ADAMTS3: variants seen among roughly 807,000 people sequenced by gnomAD.
ADAMTS3 encodes ADAM metallopeptidase with thrombospondin type 1 motif 3, also known as A disintegrin and metalloproteinase with thrombospondin motifs 3.
ADAMTS3 carries 73 observed loss-of-function variants against 129.0 expected under a neutral mutation model. The observed-to-expected ratio is 0.57, with a 90% confidence interval of 0.47 to 0.69. ADAMTS3 has a LOEUF of 0.69. Among genes scored for constraint, ADAMTS3 ranks in the 30% least tolerant of loss-of-function variants. The probability of loss-of-function intolerance (pLI) is 0.00; values close to 1 mark genes in which losing one functional copy is unlikely to be tolerated. For synonymous variants in ADAMTS3, 477 were observed against 510.8 expected (o/e 0.93, Z 0.89); for missense variants, 1,457 against 1,514.5 (o/e 0.96, Z 0.63).
In ADAMTS3 at chr4:72,500,003, C is replaced by A. The variant is rs139835903; in HGVS notation, c.504+48475G>T. Among the ~76,000 whole-genome samples, 16 of 152,266 alleles carry A rather than the reference C, an allele frequency of 1.1e-4. 1 individual carries two copies. The East Asian group carries it at 2.5e-3, about 24-fold the overall frequency. On this transcript the variant is annotated intron_variant, in intron 3 of 21. Coordinates refer to ENST00000286657, the MANE Select transcript of ADAMTS3 (RefSeq NM_014243.3). ...AGTATTCAATGGTGTATATGTACCACATTTTCTTTATCCAATCCACGACTG... is the reference window on the plus strand; with the variant it reads ...AGTATTCAATGGTGTATATGTACCAAATTTTCTTTATCCAATCCACGACTG...
chr4:72,547,627 GAC>G (rs1057342691), intron 3 of ADAMTS3, among the ~76,000 whole-genome samples: 2 of 152,100 alleles, frequency 1.3e-5, no homozygotes, highest in Admixed American at 1.3e-4. Flanking sequence ...ATGGTGAAGA[GAC>G]AGTTTTTCTC....
chr4:72,530,538 TATTA>T (rs1192408985), intron 3 of ADAMTS3, among the ~76,000 whole-genome samples: 1 of 87,128 alleles, frequency 1.1e-5, no homozygotes, highest in Non-Finnish European at 2.0e-5. Context: ...ATTTAATATA[TATTA>T]ATTTAAAATA....
At chr4:72,329,786 A>G (rs1719798188) in intron 5 of ADAMTS3, among the ~76,000 whole-genome samples, 1 of 150,052 alleles carries the variant, frequency 6.7e-6, no homozygotes, top group African/African-American at 2.4e-5. Flanking sequence ...GTTCTGTGGG[A>G]TCTGGTACTG....
intron 2 of ADAMTS3, 36 bp from the exon 3 acceptor site, chr4:72,548,920 C>A (rs372237136): frequency 2.0e-5 from 32 of 1,571,546 alleles, no homozygotes; most frequent in Middle Eastern, 4.0e-4. Context: ...AAACCCTGTA[C>A]AATAAGAGAA....
At chr4:72,462,490 C>T (rs887339588) in intron 3 of ADAMTS3, among the ~76,000 whole-genome samples, 2 of 151,902 alleles carry the variant, frequency 1.3e-5, no homozygotes, top group Admixed American at 6.6e-5. Context: ...AGTGTACGGT[C>T]ACACACCACA....
chr4:72,530,577 A>G (rs1310877740), intron 3 of ADAMTS3, among the ~76,000 whole-genome samples: 2 of 41,562 alleles, frequency 4.8e-5, no homozygotes, highest in African/African-American at 2.7e-4. Context: ...TTAATTTAAT[A>G]TATATTAAAT....
intron 3 of ADAMTS3, among the ~76,000 whole-genome samples, chr4:72,523,445 C>T (rs75619343): frequency 0.037 from 5,562 of 152,044 alleles, 121 homozygotes; most frequent in Non-Finnish European, 0.048. Flanking sequence ...TTAAACCAAA[C>T]AGTATAACTG....
chr4:72,549,299 A>G (rs527295256), intron 2 of ADAMTS3, among the ~76,000 whole-genome samples: 1 of 152,080 alleles, frequency 6.6e-6, no homozygotes, highest in African/African-American at 2.4e-5. Flanking sequence ...GATTGTTTTC[A>G]TTTTTTCCCT....
intron 11 of ADAMTS3, among the ~76,000 whole-genome samples, chr4:72,315,220 T>C (rs906542771): frequency 4.7e-4 from 71 of 152,360 alleles, no homozygotes; most frequent in African/African-American, 1.7e-3. Flanking sequence ...CTTCCTATTC[T>C]GCCAACAGTG....
chr4:72,472,384 C>T (rs948770790), intron 3 of ADAMTS3, among the ~76,000 whole-genome samples: 1 of 152,018 alleles, frequency 6.6e-6, no homozygotes, highest in South Asian at 2.1e-4. Flanking sequence ...TAACAACATG[C>T]AAAGCAATTC....
intron 4 of ADAMTS3, among the ~76,000 whole-genome samples, chr4:72,353,257 AC>A (rs1720490262): frequency 6.6e-6 from 1 of 151,736 alleles, no homozygotes; most frequent in Non-Finnish European, 1.5e-5. Context: ...ATTCGTTCTA[AC>A]CTCCTTGTGG....
chr4:72,512,899 T>A (rs1209109187), intron 3 of ADAMTS3, among the ~76,000 whole-genome samples: 1 of 152,206 alleles, frequency 6.6e-6, no homozygotes, highest in Non-Finnish European at 1.5e-5. Flanking sequence ...AAGTGGGTAT[T>A]CTTTTCACGT....
intron 9 of ADAMTS3, 114 bp from the exon 10 acceptor site, chr4:72,318,818 C>G: frequency 8.8e-7 from 1 of 1,136,388 alleles, no homozygotes; most frequent in Non-Finnish European, 1.2e-6. Context: ...CCAGATCATA[C>G]AGCAAATTTG....
Position 72,458,813 on chromosome 4 carries a change from G to A in ADAMTS3, c.505-43842C>T, listed in dbSNP as rs1041664309. Among the ~76,000 whole-genome samples, 16 of 151,332 alleles carry A rather than the reference G, an allele frequency of 1.1e-4. No homozygotes were observed. In the East Asian group the frequency reaches 1.8e-3, roughly 17 times the overall value. On this transcript the variant is annotated intron_variant, in intron 3 of 21. Transcript: ENST00000286657. The stretch of plus-strand genomic sequence containing the variant: ...CACATATCAGAAAGAGTTTCTACTC[G>A]TAAGTGCCACACCATTTTCAGTAAG...
chr4:72,471,401 CAG>C (rs1233602086), intron 3 of ADAMTS3, among the ~76,000 whole-genome samples: 2 of 151,916 alleles, frequency 1.3e-5, no homozygotes, highest in Admixed American at 1.3e-4. Flanking sequence ...TTTAATATAA[CAG>C]AGTACAAAAA....
intron 2 of ADAMTS3, among the ~76,000 whole-genome samples, chr4:72,566,341 A>T (rs1355111261): frequency 6.6e-6 from 1 of 152,166 alleles, no homozygotes; most frequent in African/African-American, 2.4e-5. Context: ...TAGCTATGCA[A>T]CCTCTCAAGC....
Position 72,366,151 on chromosome 4 carries a change from G to C in ADAMTS3, c.662-26458C>G, listed in dbSNP as rs556752303. On this transcript the variant is annotated intron_variant, in intron 4 of 21. Coordinates refer to ENST00000286657, the MANE Select transcript of ADAMTS3 (RefSeq NM_014243.3). ...CAAGAGACCTATAAATGGAATGAAA[G>C]GCATTGGCAAAAATAATAATAACCA... 4.2e-4 allele frequency among the ~76,000 whole-genome samples: 64 copies of C among 152,274 alleles called. 1 individual carries two copies. Among genetic ancestry groups the C allele is most frequent in the African/African-American group, 1.5e-3 (63 of 41,572 alleles).
At chr4:72,504,577 T>C (rs1242747571) in intron 3 of ADAMTS3, among the ~76,000 whole-genome samples, 1 of 152,144 alleles carries the variant, frequency 6.6e-6, no homozygotes, top group Non-Finnish European at 1.5e-5. Context: ...ATTTCATAGG[T>C]GTTCTCTGGA....
chr4:72,563,492 A>G (rs1721953213), intron 2 of ADAMTS3, among the ~76,000 whole-genome samples: 1 of 152,156 alleles, frequency 6.6e-6, no homozygotes, highest in Admixed American at 6.5e-5. Flanking sequence ...GATCCCAAGT[A>G]GGCTGTAGTT....
Sources: gnomAD v4.1 joint callset for allele counts (sites outside exome capture counted in the v4.1 genomes callset) on GRCh38, gnomAD v4.1.1 for gene constraint, MANE v1.5 for transcripts, NCBI Gene and HGNC (gene_info 2026-07-23, HGNC 2026-07-21) for gene names.